SPATA20: variants seen among roughly 807,000 people sequenced by gnomAD.
SPATA20 encodes spermatogenesis-associated protein 20.
A neutral mutation model predicts 98.9 loss-of-function variants in SPATA20; 74 were observed. The observed-to-expected ratio is 0.75, with a 90% CI of 0.62 to 0.91. The LOEUF is 0.91. Ranked by LOEUF, SPATA20 falls within the 40% of genes least tolerant of loss-of-function variation. The pLI, the probability that SPATA20 is intolerant of heterozygous loss-of-function variation, is 0.00. For missense variants in SPATA20, 1,016 were observed against 1,069.8 expected (o/e 0.95, Z 0.70); for synonymous variants, 430 against 440.5 (o/e 0.98, Z 0.30).
intron 14 of SPATA20, 24 bp downstream of exon 14, chr17:50,552,204 C>A: frequency 6.2e-7 from 1 of 1,604,950 alleles, no homozygotes; most frequent in East Asian, 2.2e-5. Context: ...CAGGGCTAGT[C>A]TGGGGTCCTG....
At chr17:50,550,457 C>G (rs1211856057) in intron 9 of SPATA20, 79 bp from the exon 10 acceptor site, 1 of 1,477,732 alleles carries the variant, frequency 6.8e-7, no homozygotes, top group Admixed American at 1.7e-5. Context: ...CCCCGCCTGC[C>G]TCAGAGAATG....
At position 50,555,642 on chromosome 17, in the gene SPATA20, C is replaced by T. The variant is rs906534078; in HGVS notation, c.2389C>T (p.Arg797Ter). The T allele has an allele frequency of 1.4e-5, 22 of 1,613,824 alleles. No individual in the cohort carries two copies. Among genetic ancestry groups the T allele is most frequent in the African/African-American group, 2.7e-5 (2 of 74,890 alleles). The part of the protein sequence containing the change: ...SVPITDPCEL[R>*]KLLHP Reference sequence around the variant, plus strand: ...GCCCATCACTGATCCCTGCGAATTACGAAAACTACTACATCCATGACTGCC... The same window carrying T: ...GCCCATCACTGATCCCTGCGAATTATGAAAACTACTACATCCATGACTGCC... The change falls in exon 17 of 17, where the codon CGA becomes TGA. Residue 797 changes from arginine to a stop codon, truncating the protein, a stop_gained. Transcript: ENST00000006658. LOFTEE classifies it high-confidence loss of function.
Position 50,550,771 on chromosome 17 carries a change from G to C in SPATA20, c.1237G>C (p.Glu413Gln), listed in dbSNP as rs776132655. The C allele has an allele frequency of 6.2e-7, 1 of 1,613,160 alleles. No individual in the cohort carries two copies. The highest frequency in any genetic ancestry group is 8.5e-7 in the Non-Finnish European group (1 of 1,180,032). ...CCCAGAGCGGGGCCAGCGGCCCAAA[G>C]AGGGCGCCTACTATGTGTGGACGGT... Reference protein sequence around the residue: ...SPPERGQRPKEGAYYVWTVKE... With the variant: ...SPPERGQRPKQGAYYVWTVKE... The change falls in exon 11 of 17, where the codon GAG becomes CAG. Residue 413 changes from glutamate (E) to glutamine (Q), a missense_variant. Coordinates refer to ENST00000006658, the MANE Select transcript of SPATA20 (RefSeq NM_022827.4).
Position 50,549,367 on chromosome 17 carries a change from G to T in SPATA20, c.742G>T (p.Gly248Cys). 4 of 1,612,582 alleles carry T rather than the reference G, an allele frequency of 2.5e-6. No homozygotes were observed. The highest frequency in any genetic ancestry group is 3.4e-6 in the Non-Finnish European group (4 of 1,179,964). ...ALLARSEISV[G>C]DRQLPPSAAT... Reference sequence around the variant, plus strand: ...GCTGGCCCGATCAGAGATCAGCGTGGGTGACCGCCAGCTGCCGCCCTCTGC... The same window carrying T: ...GCTGGCCCGATCAGAGATCAGCGTGTGTGACCGCCAGCTGCCGCCCTCTGC... Residue 248 changes from glycine to cysteine, a missense_variant, in exon 7 of 17, where the codon GGT becomes TGT. Gly to Cys is a radical substitution (Grantham distance 159). Transcript: ENST00000006658.
chr17:50,549,900 T>C, intron 7 of SPATA20, 85 bp from the exon 8 acceptor site: 7 of 1,450,794 alleles, frequency 4.8e-6, no homozygotes, highest in Non-Finnish European at 6.5e-6. Context: ...TCCCAGCCTC[T>C]GCCTGGCCCA....
At chr17:50,554,840 G>A (rs952735247) in intron 15 of SPATA20, among the ~76,000 whole-genome samples, 3 of 151,836 alleles carry the variant, frequency 2.0e-5, no homozygotes, top group Admixed American at 2.0e-4. Context: ...ATGCGTGTGT[G>A]TCTGGTGTTT....
At chr17:50,551,942 G>A in intron 13 of SPATA20, 27 bp from the exon 14 acceptor site, 2 of 1,548,876 alleles carry the variant, frequency 1.3e-6, no homozygotes, top group Non-Finnish European at 8.7e-7. Flanking sequence ...GCTCTCCCCA[G>A]CCCCTCCCGT....
Position 50,549,879 on chromosome 17 carries a change from GT to G in SPATA20, c.863-104del, listed in dbSNP as rs2034982312. The G allele has an allele frequency of 3.1e-6, 4 of 1,296,284 alleles. No individual in the cohort carries two copies. The African/African-American group carries it at 5.9e-5, about 19-fold the overall frequency. The allele number at this position is 1,296,284 out of a possible 1,614,324, so 80.3% of individuals were successfully genotyped here. A position where few individuals can be genotyped will look rare whatever the true frequency, so the allele number is the denominator to read the frequency against. On this transcript the variant is annotated intron_variant, in intron 7 of 16. Coordinates refer to ENST00000006658, the MANE Select transcript of SPATA20 (RefSeq NM_022827.4). Reference sequence around the variant, plus strand: ...CTCACAGCCTGTCCAGAGACTGCCTGTTGAGTGAACTCCCAGCCTCTGCCTG... The same window carrying G: ...CTCACAGCCTGTCCAGAGACTGCCTGTGAGTGAACTCCCAGCCTCTGCCTG...
At position 50,548,829 on chromosome 17, in the gene SPATA20, CT is replaced by C. The variant is rs754307883; in HGVS notation, c.382del (p.Trp128GlyfsTer4). On this transcript the variant is annotated frameshift_variant, in exon 5 of 17. Coordinates refer to ENST00000006658, the MANE Select transcript of SPATA20 (RefSeq NM_022827.4). LOFTEE classifies it high-confidence loss of function. ...FLSVGYSTCHWCHMMEEESFQ... is the reference protein window; with the variant it reads ...FLSVGYSTCHXCHMMEEESFQ... ...GTTCAGTCGGGTACTCCACCTGCCA[CT>C]GGTGCCACATGATGGAAGAGGAGTC... is the stretch of plus-strand genomic sequence containing the variant. 6.2e-7 allele frequency: 1 copy of C among 1,613,820 alleles called. No individual in the cohort carries two copies. The highest frequency in any genetic ancestry group is 1.7e-5 in the Admixed American group (1 of 60,014).
rs750718592 is a variant in SPATA20, at chr17:50,549,501, G to A, written c.862+14G>A. 3.1e-6 allele frequency: 5 copies of A among 1,605,030 alleles called. No homozygotes were observed. The highest frequency in any genetic ancestry group is 4.2e-6 in the Non-Finnish European group (5 of 1,176,914). ...TTCCCACGCCGGGTCAGTGCCCCAC[G>A]CCCGCCTTAGCCCAGGCTTTGGCCT... On this transcript the variant is annotated intron_variant, in intron 7 of 16. Transcript: ENST00000006658.
chr17:50,552,417 C>T (rs967874868), intron 14 of SPATA20, among the ~76,000 whole-genome samples: 9 of 152,262 alleles, frequency 5.9e-5, no homozygotes, highest in African/African-American at 1.7e-4. Context: ...CCTCCCACCT[C>T]GGCCTCCCAA....
intron 2 of SPATA20, chr17:50,548,025 C>T: frequency 6.8e-7 from 1 of 1,471,040 alleles, no homozygotes. Context: ...ACCTCACAGC[C>T]ATCCTTCCCA....
Position 50,548,572 on chromosome 17 carries a change from AG to A in SPATA20, c.316del (p.Ala106ProfsTer26). The A allele has an allele frequency of 6.2e-7, 1 of 1,613,658 alleles. No individual in the cohort carries two copies. Among genetic ancestry groups the A allele is most frequent in the South Asian group, 1.1e-5 (1 of 91,064 alleles). On this transcript the variant is annotated frameshift_variant, in exon 4 of 17. Transcript: ENST00000006658. LOFTEE classifies it high-confidence loss of function. ...PVDWYPWGQEAFDKARKENKP... is the reference protein window; with the variant it reads ...PVDWYPWGQEXFDKARKENKP... ...GGTCTAGGTACCCCTGGGGACAGGA[AG>A]CCTTCGACAAGGCCAGGAAGGAAAA...
chr17:50,550,751 A>G lies in SPATA20; in HGVS notation c.1217A>G (p.Glu406Gly), dbSNP rs778321453. 2.3e-5 allele frequency: 37 copies of G among 1,612,994 alleles called. No homozygotes were observed. The highest frequency in any genetic ancestry group is 3.1e-5 in the Non-Finnish European group (36 of 1,179,938). ...GCAGAAGATGCAGACTCGCCCCCAG[A>G]GCGGGGCCAGCGGCCCAAAGAGGGC... Reference protein sequence around the residue: ...YSAEDADSPPERGQRPKEGAY... With the variant: ...YSAEDADSPPGRGQRPKEGAY... Residue 406 changes from glutamate (E) to glycine (G), a missense_variant, in exon 11 of 17, where the codon GAG becomes GGG. Coordinates refer to ENST00000006658, the MANE Select transcript of SPATA20 (RefSeq NM_022827.4).
In SPATA20 at chr17:50,552,011, G is replaced by A; in HGVS notation, c.1788G>A (p.Val596=). ...GCTTCCTGGAGGACTACGCCTTCGTGGTGCGGGGCCTGCTGGACCTGTATG... is the reference window on the plus strand; with the variant it reads ...GCTTCCTGGAGGACTACGCCTTCGTAGTGCGGGGCCTGCTGGACCTGTATG... ...CWGFLEDYAF[V]VRGLLDLYEA... Residue 596 remains valine (V), a synonymous_variant, in exon 14 of 17, where the codon GTG becomes GTA. Coordinates refer to ENST00000006658, the MANE Select transcript of SPATA20 (RefSeq NM_022827.4). 1.2e-6 allele frequency: 2 copies of A among 1,612,754 alleles called. No individual in the cohort carries two copies. Among genetic ancestry groups the A allele is most frequent in the Non-Finnish European group, 1.7e-6 (2 of 1,179,534 alleles).
chr17:50,550,430 C>G (rs1339626643), intron 9 of SPATA20, 106 bp from the exon 10 acceptor site: 3 of 1,379,456 alleles, frequency 2.2e-6, no homozygotes, highest in Non-Finnish European at 3.1e-6. Flanking sequence ...CATGTACCCA[C>G]TACCCAGGCT....
chr17:50,547,396 C>T, intron 1 of SPATA20, 111 bp downstream of exon 1: 1 of 948,404 alleles, frequency 1.1e-6, no homozygotes, highest in Non-Finnish European at 1.5e-6. Context: ...CCCCTGCATG[C>T]CTGGCCCTTC....
intron 14 of SPATA20, among the ~76,000 whole-genome samples, 200 bp from the exon 15 acceptor site, chr17:50,554,051 G>C (rs113528312): frequency 1.3e-5 from 2 of 152,180 alleles, no homozygotes; most frequent in Non-Finnish European, 2.9e-5. Flanking sequence ...GACAGGTAGA[G>C]TGGAGGGTGC....
Position 50,547,217 on chromosome 17 carries a change from C to T in SPATA20, c.9C>T (p.Gly3=). ML[G]ARAWLGRVLL... ...CACGGCCCCGAGCAGCCATGCTGGG[C>T]GCGCGGGCCTGGTTGGGCCGCGTCC... Residue 3 remains glycine, a synonymous_variant, in exon 1 of 17, where the codon GGC becomes GGT. Transcript: ENST00000006658. 4.9e-6 allele frequency: 7 copies of T among 1,425,344 alleles called. No individual in the cohort carries two copies. The highest frequency in any genetic ancestry group is 6.4e-6 in the Non-Finnish European group (7 of 1,098,300). The allele number at this position is 1,425,344 out of a possible 1,614,324, so 88.3% of individuals were successfully genotyped here. A position where few individuals can be genotyped will look rare whatever the true frequency, so the allele number is the denominator to read the frequency against.
Sources: gnomAD v4.1 joint callset for allele counts (sites outside exome capture counted in the v4.1 genomes callset) on GRCh38, gnomAD v4.1.1 for gene constraint, MANE v1.5 for transcripts, NCBI Gene and HGNC (gene_info 2026-07-23, HGNC 2026-07-21) for gene names.